The following LINGO2 variants were observed in gnomAD, a reference collection of about 807,000 sequenced individuals.
LINGO2 encodes the protein leucine rich repeat and Ig domain containing 2, also known as leucine-rich repeat and immunoglobulin-like domain-containing nogo receptor-interacting protein 2.
LINGO2 carries 14 observed loss-of-function variants against 30.6 expected under a neutral mutation model. That is an observed-to-expected ratio of 0.46 (90% CI 0.30 to 0.72). The LOEUF (loss-of-function observed/expected upper bound fraction) is 0.72, where lower values mean the gene tolerates loss of function less well. LINGO2 is among the 30% of genes least tolerant of loss of function. The pLI, the probability that LINGO2 is intolerant of heterozygous loss-of-function variation, is 0.07. For missense variants in LINGO2, 729 were observed against 751.7 expected, an observed-to-expected ratio of 0.97 and a Z score of 0.35; for synonymous variants, 317 against 288.5, an observed-to-expected ratio of 1.10 and a Z score of -1.00.
At chr9:28,434,927 A>C (rs1041577244) in intron 2 of LINGO2, among the ~76,000 whole-genome samples, 2 of 152,120 alleles carry the variant, frequency 1.3e-5, no homozygotes, top group African/African-American at 2.4e-5. Context: ...TTACCATTCT[A>C]TTGTTAGCTT....
At chr9:28,571,786 A>G (rs1006070673) in intron 1 of LINGO2, among the ~76,000 whole-genome samples, 2 of 151,634 alleles carry the variant, frequency 1.3e-5, no homozygotes, top group Non-Finnish European at 2.9e-5. Context: ...ACATTGTTCT[A>G]TATGTTGAGA....
Position 28,147,648 on chromosome 9 carries a change from A to T in LINGO2, c.-86-135243T>A, listed in dbSNP as rs1276345969. 6.6e-6 allele frequency among the ~76,000 whole-genome samples: 1 copy of T among 152,110 alleles called. No homozygotes were observed. The highest frequency in any genetic ancestry group is 1.5e-5 in the Non-Finnish European group (1 of 68,004). ...CCAGCCAGCACCTGGGCGAGGTGCCAGGTGGAAGGGCTCTGGCGGATCAGC... is the reference window on the plus strand; with the variant it reads ...CCAGCCAGCACCTGGGCGAGGTGCCTGGTGGAAGGGCTCTGGCGGATCAGC... On this transcript the variant is annotated intron_variant, in intron 4 of 5. Transcript: ENST00000379992. This position sits in a 1 kb window ranked among gnomAD's most constrained non-coding sequence, Gnocchi z 4.7.
intron 1 of LINGO2, among the ~76,000 whole-genome samples, chr9:28,624,958 C>T (rs73443353): frequency 0.026 from 3,997 of 151,758 alleles, 118 homozygotes; most frequent in African/African-American, 0.064. Flanking sequence ...AGAGGTTGGA[C>T]AAGCACTCCT....
the LINGO2 span, among the ~76,000 whole-genome samples, chr9:28,695,965 A>G: frequency 2.9e-4 from 44 of 151,922 alleles, no homozygotes; most frequent in Non-Finnish European, 3.1e-4. Flanking sequence ...TCTTTATGCT[A>G]TGCATATTGT....
chr9:28,728,752 A>G, the LINGO2 span, among the ~76,000 whole-genome samples: 1 of 152,100 alleles, frequency 6.6e-6, no homozygotes, highest in East Asian at 1.9e-4. Flanking sequence ...ACAAAGGGAA[A>G]ATGTTGGGAA....
intron 4 of LINGO2, among the ~76,000 whole-genome samples, chr9:28,277,397 C>T (rs2134112201): frequency 6.6e-6 from 1 of 152,240 alleles, no homozygotes; most frequent in East Asian, 1.9e-4. Context: ...CTCCTAGGGC[C>T]TCCCTATTCC....
chr9:29,180,257 T>C, the LINGO2 span, among the ~76,000 whole-genome samples: 2 of 152,202 alleles, frequency 1.3e-5, no homozygotes, highest in African/African-American at 2.4e-5. Context: ...TAAATGACTA[T>C]TGGAGCCTGT....
At chr9:29,021,386 C>T in the LINGO2 span, among the ~76,000 whole-genome samples, 12 of 152,108 alleles carry the variant, frequency 7.9e-5, no homozygotes, top group Admixed American at 3.3e-4. Context: ...AGGCCAGGTG[C>T]GGTGGCTAAC....
At chr9:27,965,639 T>C (rs559965968) in intron 5 of LINGO2, among the ~76,000 whole-genome samples, 16 of 152,128 alleles carry the variant, frequency 1.1e-4, no homozygotes, top group Non-Finnish European at 1.5e-5. Flanking sequence ...GAGAGCCCTC[T>C]GTTCTCGTGT....
the LINGO2 span, among the ~76,000 whole-genome samples, chr9:29,052,041 C>T: frequency 6.6e-6 from 1 of 152,082 alleles, no homozygotes; most frequent in Admixed American, 6.6e-5. Flanking sequence ...GTTTGACAAA[C>T]CTCAACCCAC....
intron 4 of LINGO2, among the ~76,000 whole-genome samples, chr9:28,230,594 C>A (rs1056409932): frequency 6.7e-6 from 1 of 148,400 alleles, no homozygotes; most frequent in Non-Finnish European, 1.5e-5. Context: ...CTTGCTCTAT[C>A]ACCAAGTCTA....
chr9:27,973,356 A>G (rs1328298961), intron 5 of LINGO2, among the ~76,000 whole-genome samples: 1 of 152,162 alleles, frequency 6.6e-6, no homozygotes, highest in Non-Finnish European at 1.5e-5. Context: ...CCAGGGAGGT[A>G]CCTATGAATC....
intron 4 of LINGO2, among the ~76,000 whole-genome samples, chr9:28,067,544 C>T (rs980375542): frequency 1.3e-5 from 2 of 152,086 alleles, no homozygotes; most frequent in African/African-American, 2.4e-5. Flanking sequence ...TGTGTGACCT[C>T]GGACGATGTA....
chr9:28,487,673 C>T (rs1410260192), intron 1 of LINGO2, among the ~76,000 whole-genome samples: 1 of 152,094 alleles, frequency 6.6e-6, no homozygotes, highest in Non-Finnish European at 1.5e-5. Context: ...TAAACAGCAG[C>T]ATAAATCTTG....
intron 4 of LINGO2, among the ~76,000 whole-genome samples, chr9:28,044,777 G>A (rs889814106): frequency 7.0e-5 from 2 of 28,406 alleles, no homozygotes; most frequent in East Asian, 7.1e-4. Flanking sequence ...CATGTGTCTT[G>A]GCTTCTCTCT....
At chr9:28,724,039 A>C in the LINGO2 span, among the ~76,000 whole-genome samples, 2 of 152,152 alleles carry the variant, frequency 1.3e-5, no homozygotes, top group Admixed American at 1.3e-4. Context: ...ACAATAATAC[A>C]AACATACCAT....
chr9:28,267,765 T>C (rs1447795533), intron 4 of LINGO2, among the ~76,000 whole-genome samples: 1 of 151,994 alleles, frequency 6.6e-6, no homozygotes, highest in Non-Finnish European at 1.5e-5. Flanking sequence ...CATGATCCCC[T>C]ACTCCTGGAG....
the LINGO2 span, among the ~76,000 whole-genome samples, chr9:28,912,467 T>C: frequency 1.2e-4 from 18 of 152,122 alleles, no homozygotes; most frequent in African/African-American, 4.3e-4. Flanking sequence ...TGTATTATTA[T>C]GGAGAATCAG....
intron 4 of LINGO2, among the ~76,000 whole-genome samples, chr9:28,154,586 C>T (rs541473587): frequency 7.2e-5 from 11 of 152,216 alleles, no homozygotes; most frequent in Non-Finnish European, 1.3e-4. Flanking sequence ...TACTTTCCAC[C>T]TATTAAATCT....
Sources: allele counts gnomAD v4.1 joint callset (sites outside exome capture counted in the v4.1 genomes callset), GRCh38; gene constraint gnomAD v4.1.1; non-coding constraint Gnocchi (gnomAD v3.1); transcripts MANE v1.5; gene names NCBI Gene and HGNC (gene_info 2026-07-23, HGNC 2026-07-21).